The following CALN1 variants were observed in gnomAD, a reference collection of about 807,000 sequenced individuals.
CALN1 encodes the protein calneuron 1.
CALN1 carries 17 observed loss-of-function variants against 30.6 expected under a neutral mutation model. The ratio of observed to expected loss-of-function variants is 0.56; its 90% CI spans 0.38 to 0.83. CALN1 has a LOEUF of 0.83. CALN1 is among the 40% of genes least tolerant of loss of function. CALN1 has a pLI of 0.00. For missense variants in CALN1, 291 were observed against 354.9 expected (o/e 0.82, Z 1.45); for synonymous variants, 156 against 131.4 (o/e 1.19, Z -1.28).
At chr7:72,125,093 A>G (rs1808652031) in intron 3 of CALN1, among the ~76,000 whole-genome samples, 1 of 152,126 alleles carries the variant, frequency 6.6e-6, no homozygotes. Flanking sequence ...CAATGGTGCA[A>G]CCTTGGCTCA....
intron 1 of CALN1, among the ~76,000 whole-genome samples, chr7:72,420,038 GA>G (rs1807555780): frequency 6.6e-6 from 1 of 152,184 alleles, no homozygotes; most frequent in Admixed American, 6.5e-5. Context: ...GACAGGTGCA[GA>G]AGACTGTCAC....
At chr7:72,436,241 C>G (rs1808155803) in intron 1 of CALN1, among the ~76,000 whole-genome samples, 1 of 152,174 alleles carries the variant, frequency 6.6e-6, no homozygotes, top group South Asian at 2.1e-4. Context: ...GGGAGGGACC[C>G]CATGGGAGGT....
intron 2 of CALN1, among the ~76,000 whole-genome samples, chr7:72,335,705 G>A (rs1349560424): frequency 2.0e-5 from 3 of 152,254 alleles, no homozygotes; most frequent in Non-Finnish European, 2.9e-5. Context: ...ATGGAAGAAA[G>A]GCGCCTTCCT....
intron 5 of CALN1, among the ~76,000 whole-genome samples, chr7:71,876,143 A>C (rs1792232890): frequency 6.6e-6 from 1 of 152,184 alleles, no homozygotes; most frequent in Non-Finnish European, 1.5e-5. Flanking sequence ...TCTCCACCAA[A>C]AGTCATGTTA....
At chr7:72,427,945 C>A (rs1036681601) in intron 1 of CALN1, among the ~76,000 whole-genome samples, 61 of 152,144 alleles carry the variant, frequency 4.0e-4, no homozygotes, top group African/African-American at 1.5e-3. Context: ...GCCTCTCCAG[C>A]AGCCTAGCTC....
intron 2 of CALN1, among the ~76,000 whole-genome samples, chr7:72,299,463 C>CAGTTTACGTAAAACAAA (rs1554358603): frequency 1.3e-5 from 2 of 151,990 alleles, no homozygotes; most frequent in Admixed American, 6.6e-5. Flanking sequence ...AGTTAAGAGG[C>CAGTTTACGTAAAACAAA]AGAAATTACA....
At chr7:71,834,217 C>CAAAAAAAAAAAAAAAAA (rs11313802) in intron 5 of CALN1, among the ~76,000 whole-genome samples, 1 of 48,312 alleles carries the variant, frequency 2.1e-5, no homozygotes, top group Non-Finnish European at 3.6e-5. Flanking sequence ...GACTCCATCT[C>CAAAAAAAAAAAAAAAAA]AAAAAAAAAA....
intron 5 of CALN1, among the ~76,000 whole-genome samples, chr7:71,827,712 C>T (rs1373873209): frequency 1.3e-5 from 2 of 151,700 alleles, no homozygotes; most frequent in Admixed American, 6.6e-5. Context: ...GCAGAGGTTG[C>T]AGTGAGCCGA....
At chr7:71,920,935 G>A (rs1794913104) in intron 5 of CALN1, among the ~76,000 whole-genome samples, 1 of 152,162 alleles carries the variant, frequency 6.6e-6, no homozygotes, top group South Asian at 2.1e-4. Flanking sequence ...GTTCACAACA[G>A]CAAAGACTTG....
chr7:72,316,967 CGAAAG>C (rs1242580783), intron 2 of CALN1, among the ~76,000 whole-genome samples: 1 of 86,588 alleles, frequency 1.2e-5, no homozygotes, highest in Non-Finnish European at 2.3e-5. Flanking sequence ...AACAAATAAA[CGAAAG>C]GAAAGGAAAG....
At position 72,278,764 on chromosome 7, in the gene CALN1, C is replaced by T; in HGVS notation, c.166G>A (p.Gly56Arg). Residue 56 changes from glycine to arginine, a missense_variant, in exon 3 of 7, where the codon GGG becomes AGG. This residue lies in a region of CALN1 where 122 missense variants were observed against 103.2 expected (regional missense o/e 1.18). Coordinates refer to ENST00000395275, the MANE Select transcript of CALN1 (RefSeq NM_031468.4). ...HHVTAGLLYKGNYLNRSLSAG... is the reference protein window; with the variant it reads ...HHVTAGLLYKRNYLNRSLSAG... Reference sequence around the variant, plus strand: ...GAGAGCGATCGGTTGAGGTAATTCCCCTTGTACAACAAGCCGGCGGTCACA... The same window carrying T: ...GAGAGCGATCGGTTGAGGTAATTCCTCTTGTACAACAAGCCGGCGGTCACA... 6.2e-7 allele frequency: 1 copy of T among 1,613,964 alleles called. No homozygotes were observed. Among genetic ancestry groups the T allele is most frequent in the Non-Finnish European group, 8.5e-7 (1 of 1,179,890 alleles).
chr7:71,898,408 G>A (rs1252329238), intron 5 of CALN1, among the ~76,000 whole-genome samples: 1 of 152,130 alleles, frequency 6.6e-6, no homozygotes, highest in African/African-American at 2.4e-5. Context: ...GGACATGGCT[G>A]ATAAAAGGAT....
chr7:72,213,346 C>G (rs367553297), intron 3 of CALN1, among the ~76,000 whole-genome samples: 1 of 152,232 alleles, frequency 6.6e-6, no homozygotes, highest in East Asian at 1.9e-4. Context: ...AACCTGGGTT[C>G]CCTAAACAAA....
chr7:71,972,797 A>T (rs1394750227), intron 5 of CALN1, among the ~76,000 whole-genome samples: 1 of 152,206 alleles, frequency 6.6e-6, no homozygotes, highest in African/African-American at 2.4e-5. Context: ...TATAGCAATC[A>T]AGGCTGTCTC....
chr7:71,851,667 T>C (rs1402844413), intron 5 of CALN1, among the ~76,000 whole-genome samples: 1 of 151,936 alleles, frequency 6.6e-6, no homozygotes, highest in East Asian at 1.9e-4. Flanking sequence ...AGAGGTGGAA[T>C]AGGAGGGAAA....
chr7:72,424,711 C>T (rs886103164), intron 1 of CALN1, among the ~76,000 whole-genome samples: 2 of 152,118 alleles, frequency 1.3e-5, no homozygotes, highest in Non-Finnish European at 2.9e-5. Flanking sequence ...ATCCTTCAAC[C>T]TTAGCCTCCC....
At chr7:71,926,246 T>C (rs1795266553) in intron 5 of CALN1, among the ~76,000 whole-genome samples, 1 of 143,296 alleles carries the variant, frequency 7.0e-6, no homozygotes, top group Non-Finnish European at 1.5e-5. Context: ...AGTCTCCAGA[T>C]ACCCAAGCTT....
intron 2 of CALN1, among the ~76,000 whole-genome samples, chr7:72,301,676 G>A (rs974048720): frequency 6.8e-6 from 1 of 147,900 alleles, no homozygotes; most frequent in Non-Finnish European, 1.5e-5. Flanking sequence ...TGATCTCCCA[G>A]AGTAAGGCCT....
rs144227604 is a variant in CALN1, at chr7:72,106,206, C to T, written c.333G>A (p.Gly111=). The stretch of plus-strand genomic sequence containing the variant: ...CCAGCTCCACCTCGCTTGGCATGTA[C>T]CCCAAAGAGCGCATGGCCATGCCCA... ...QELGMAMRSL[G]YMPSEVELAI... Residue 111 remains glycine, a synonymous_variant, in exon 4 of 7, where the codon GGG becomes GGA. Coordinates refer to ENST00000395275, the MANE Select transcript of CALN1 (RefSeq NM_031468.4). The T allele has an allele frequency of 2.7e-4, 441 of 1,614,042 alleles. No individual in the cohort carries two copies. In the African/African-American group the frequency reaches 5.0e-3, roughly 18 times the overall value.
Sources: gnomAD v4.1 joint callset for allele counts (sites outside exome capture counted in the v4.1 genomes callset) on GRCh38, gnomAD v4.1.1 for gene constraint, gnomAD v4.1.1 regional missense constraint, MANE v1.5 for transcripts, NCBI Gene and HGNC (gene_info 2026-07-23, HGNC 2026-07-21) for gene names.